The following CDH13 variants were observed in gnomAD, a reference collection of about 807,000 sequenced individuals.
The protein encoded by CDH13 is cadherin-13.
Under a neutral mutation model 63.8 loss-of-function variants are expected in CDH13, and 24 were observed. The ratio of observed to expected loss-of-function variants is 0.38; its 90% CI spans 0.27 to 0.53. CDH13 has a LOEUF of 0.53. Among genes scored for constraint, CDH13 ranks in the 20% least tolerant of loss-of-function variants. The pLI is 0.85. For synonymous variants in CDH13, 503 were observed against 355.3 expected (o/e 1.42, Z -4.67); for missense variants, 1,049 against 903.1 (o/e 1.16, Z -2.07).
At chr16:83,234,484 C>T (rs991969133) in intron 5 of CDH13, among the ~76,000 whole-genome samples, 2 of 152,056 alleles carry the variant, frequency 1.3e-5, no homozygotes, top group African/African-American at 4.8e-5. Flanking sequence ...GAGAGGGAAA[C>T]CCCTTGAGGT....
chr16:83,213,299 A>C (rs575335564), intron 4 of CDH13, among the ~76,000 whole-genome samples: 8 of 152,314 alleles, frequency 5.3e-5, no homozygotes, highest in African/African-American at 1.9e-4. Context: ...CCTTGGCAGC[A>C]GAAGGGAAAG....
At chr16:83,700,018 T>TCGCA (rs1197626546) in intron 10 of CDH13, among the ~76,000 whole-genome samples, 2 of 152,190 alleles carry the variant, frequency 1.3e-5, no homozygotes, top group Non-Finnish European at 2.9e-5. Context: ...GTGATCTAGA[T>TCGCA]CGTGCATGTG....
chr16:82,902,310 T>G (rs1272392542), intron 2 of CDH13, among the ~76,000 whole-genome samples: 1 of 152,052 alleles, frequency 6.6e-6, no homozygotes, highest in African/African-American at 2.4e-5. Context: ...AAAGCTTCTC[T>G]GGAGATTTGC....
chr16:83,418,380 A>T (rs1428691327), intron 6 of CDH13, among the ~76,000 whole-genome samples: 1 of 152,210 alleles, frequency 6.6e-6, no homozygotes, highest in East Asian at 1.9e-4. Context: ...CATAGGAAGC[A>T]TGAGATTTTT....
intron 8 of CDH13, among the ~76,000 whole-genome samples, chr16:83,657,003 A>C (rs2150829836): frequency 6.6e-6 from 1 of 152,304 alleles, no homozygotes; most frequent in East Asian, 1.9e-4. Context: ...ATGGAGAATA[A>C]AACTTGCACT....
At chr16:82,808,384 G>C (rs1811634281) in intron 1 of CDH13, among the ~76,000 whole-genome samples, 1 of 152,038 alleles carries the variant, frequency 6.6e-6, no homozygotes, top group African/African-American at 2.4e-5. Flanking sequence ...ATAATTTGTG[G>C]AGACACTTAG....
intron 5 of CDH13, among the ~76,000 whole-genome samples, chr16:83,222,233 C>T (rs920822630): frequency 6.6e-6 from 1 of 152,114 alleles, no homozygotes; most frequent in African/African-American, 2.4e-5. Flanking sequence ...CTTTTTTGAG[C>T]CAATTTCTTG....
chr16:83,117,872 A>C (rs1338167188), intron 3 of CDH13, among the ~76,000 whole-genome samples: 1 of 151,760 alleles, frequency 6.6e-6, no homozygotes, highest in Non-Finnish European at 1.5e-5. Flanking sequence ...GTGCTTCCAG[A>C]CAGCGTGATA....
At chr16:83,594,695 C>A (rs1457721339) in intron 7 of CDH13, among the ~76,000 whole-genome samples, 1 of 152,114 alleles carries the variant, frequency 6.6e-6, no homozygotes, top group Non-Finnish European at 1.5e-5. Flanking sequence ...AATGGGAAAA[C>A]CTTTTTCCAC....
At chr16:83,485,541 A>G (rs948716401) in intron 6 of CDH13, among the ~76,000 whole-genome samples, 3 of 152,196 alleles carry the variant, frequency 2.0e-5, no homozygotes, top group Non-Finnish European at 4.4e-5. Flanking sequence ...GTAGGTACAC[A>G]TTAGTGTTTG....
At chr16:83,760,968 G>A (rs1433614540) in intron 11 of CDH13, among the ~76,000 whole-genome samples, 2 of 152,180 alleles carry the variant, frequency 1.3e-5, no homozygotes, top group African/African-American at 2.4e-5. Flanking sequence ...AAGGAACAAA[G>A]CAAAGCAAAT....
chr16:83,233,468 C>T (rs1044551898), intron 5 of CDH13, among the ~76,000 whole-genome samples: 4 of 152,216 alleles, frequency 2.6e-5, no homozygotes, highest in Non-Finnish European at 4.4e-5. Flanking sequence ...TAAAACAACA[C>T]AATTTTTATC....
At chr16:82,693,515 C>A (rs1198993178) in intron 1 of CDH13, among the ~76,000 whole-genome samples, 1 of 152,156 alleles carries the variant, frequency 6.6e-6, no homozygotes, top group Non-Finnish European at 1.5e-5. Flanking sequence ...TAGTTACTCG[C>A]TCTCCCCTGT....
At chr16:83,264,211 C>G (rs1338611674) in intron 5 of CDH13, among the ~76,000 whole-genome samples, 2 of 152,096 alleles carry the variant, frequency 1.3e-5, no homozygotes, top group Admixed American at 1.3e-4. Context: ...GTATGATGCT[C>G]TCCTGATAAA....
At chr16:83,663,549 C>T (rs891152988) in intron 8 of CDH13, among the ~76,000 whole-genome samples, 2 of 151,992 alleles carry the variant, frequency 1.3e-5, no homozygotes, top group African/African-American at 2.4e-5. Context: ...CAAAATAACC[C>T]GAAAAGTTAG....
intron 10 of CDH13, among the ~76,000 whole-genome samples, chr16:83,682,907 T>G (rs1915522427): frequency 1.3e-5 from 2 of 152,156 alleles, no homozygotes; most frequent in African/African-American, 2.4e-5. Flanking sequence ...CCTTCCATGG[T>G]CAACATGGGA....
At chr16:83,460,076 G>A (rs1234755204) in intron 6 of CDH13, among the ~76,000 whole-genome samples, 7 of 152,070 alleles carry the variant, frequency 4.6e-5, no homozygotes, top group Non-Finnish European at 1.0e-4. Context: ...GCAAAAAAAA[G>A]TAAAAAATAA....
intron 3 of CDH13, among the ~76,000 whole-genome samples, chr16:83,067,440 C>T (rs1054540584): frequency 6.6e-6 from 1 of 152,158 alleles, no homozygotes; most frequent in Non-Finnish European, 1.5e-5. Context: ...TCAATGACAG[C>T]AAACAAGTAA....
intron 8 of CDH13, among the ~76,000 whole-genome samples, chr16:83,603,561 T>C (rs969107435): frequency 2.6e-5 from 4 of 152,152 alleles, no homozygotes; most frequent in African/African-American, 9.7e-5. Flanking sequence ...GTCCTAACTG[T>C]GATGCTGTGC....
Sources: allele counts gnomAD v4.1 joint callset (sites outside exome capture counted in the v4.1 genomes callset), GRCh38; gene constraint gnomAD v4.1.1; transcripts MANE v1.5; gene names NCBI Gene and HGNC (gene_info 2026-07-23, HGNC 2026-07-21).